INTS9: variants seen among roughly 807,000 people sequenced by gnomAD.
INTS9 encodes protein related to CPSF subunits of 74 kDa.
Under a neutral mutation model 79.7 loss-of-function variants are expected in INTS9, and 55 were observed. That is an observed-to-expected ratio of 0.69 (90% confidence interval 0.56 to 0.86). The LOEUF (loss-of-function observed/expected upper bound fraction) is 0.86, where lower values mean the gene tolerates loss of function less well. Among genes scored for constraint, INTS9 ranks in the 40% least tolerant of loss-of-function variants. The probability of loss-of-function intolerance (pLI) is 0.00; values close to 1 mark genes in which losing one functional copy is unlikely to be tolerated. For missense variants in INTS9, 721 were observed against 831.5 expected (o/e 0.87, Z 1.64); for synonymous variants, 319 against 325.2 (o/e 0.98, Z 0.20).
Position 28,769,996 on chromosome 8 carries a change from C to T in INTS9, c.1693G>A (p.Gly565Arg), listed in dbSNP as rs377455923. ...PPPRPAQPTSGKKRKRVSDDV... is the reference protein window; with the variant it reads ...PPPRPAQPTSRKKRKRVSDDV... ...TCGCTCACCCGCTTTCTCTTCTTCCCGCTCGTGGGCTGGGCGGGCCGAGGA... is the reference window on the plus strand; with the variant it reads ...TCGCTCACCCGCTTTCTCTTCTTCCTGCTCGTGGGCTGGGCGGGCCGAGGA... The change falls in exon 16 of 17, where the codon GGG (glycine) becomes AGG (arginine). Residue 565 changes from glycine to arginine, a missense_variant. By Grantham distance (125) the Gly-to-Arg change is moderately radical. Coordinates refer to ENST00000521022, the MANE Select transcript of INTS9 (RefSeq NM_018250.4). The T allele has an allele frequency of 1.9e-5, 30 of 1,614,020 alleles. No individual in the cohort carries two copies. Among genetic ancestry groups the T allele is most frequent in the South Asian group, 9.9e-5 (9 of 91,088 alleles).
intron 4 of INTS9, among the ~76,000 whole-genome samples, chr8:28,844,320 C>T (rs550785543): frequency 3.3e-5 from 5 of 151,194 alleles, no homozygotes; most frequent in South Asian, 2.1e-4. Context: ...TGACGCAGAT[C>T]GCTTGAGCTC....
At chr8:28,816,741 A>G (rs1035365231) in intron 6 of INTS9, among the ~76,000 whole-genome samples, 3 of 145,610 alleles carry the variant, frequency 2.1e-5, no homozygotes, top group African/African-American at 7.7e-5. Flanking sequence ...TGACTTCCAC[A>G]ATGGTTGAAC....
chr8:28,792,313 T>C (rs907940820), intron 10 of INTS9, among the ~76,000 whole-genome samples: 9 of 151,708 alleles, frequency 5.9e-5, no homozygotes, highest in Admixed American at 2.0e-4. Flanking sequence ...CCAGATAAAA[T>C]AGTTAAGGGG....
At chr8:28,848,176 T>C (rs1807637543) in intron 3 of INTS9, among the ~76,000 whole-genome samples, 1 of 152,256 alleles carries the variant, frequency 6.6e-6, no homozygotes, top group Non-Finnish European at 1.5e-5. Context: ...GACTTTACAC[T>C]GAAACCAGTA....
At chr8:28,780,712 T>C in intron 12 of INTS9, 111 bp downstream of exon 12, 2 of 1,511,918 alleles carry the variant, frequency 1.3e-6, no homozygotes, top group South Asian at 2.6e-5. Flanking sequence ...AGAACAATGT[T>C]TGTATTTATG....
chr8:28,882,750 GAAC>G (rs1267067432), intron 1 of INTS9, among the ~76,000 whole-genome samples: 1 of 152,092 alleles, frequency 6.6e-6, no homozygotes, highest in African/African-American at 2.4e-5. Flanking sequence ...TAGCTTTCTT[GAAC>G]ATCATTTGTC....
intron 6 of INTS9, among the ~76,000 whole-genome samples, chr8:28,816,927 T>A (rs1360991261): frequency 6.6e-6 from 1 of 151,722 alleles, no homozygotes. Flanking sequence ...TTTTTTCATG[T>A]GTTTTTTGGC....
intron 8 of INTS9, chr8:28,809,954 T>C (rs1318379038): frequency 6.6e-6 from 1 of 152,244 alleles, no homozygotes; most frequent in African/African-American, 2.4e-5. Flanking sequence ...GTTCTCCCTG[T>C]ATTAAAATGG....
intron 3 of INTS9, among the ~76,000 whole-genome samples, chr8:28,848,866 C>T (rs553474213): frequency 6.6e-6 from 1 of 152,294 alleles, no homozygotes; most frequent in East Asian, 1.9e-4. Context: ...CAAGTCATTT[C>T]GCTCACAATG....
intron 4 of INTS9, among the ~76,000 whole-genome samples, chr8:28,838,045 T>C (rs921784075): frequency 2.0e-5 from 3 of 151,954 alleles, no homozygotes; most frequent in Non-Finnish European, 4.4e-5. Context: ...ATTAGACTTA[T>C]GAGGTTAAAT....
At chr8:28,813,653 C>G (rs2131054534) in intron 6 of INTS9, 41 bp from the exon 7 acceptor site, 1 of 1,606,492 alleles carries the variant, frequency 6.2e-7, no homozygotes, top group East Asian at 2.2e-5. Flanking sequence ...GTGAACATTT[C>G]TTCATGTTCT....
intron 1 of INTS9, among the ~76,000 whole-genome samples, chr8:28,885,049 ATTGCACTCGGTGT>A (rs1470523943): frequency 1.3e-5 from 2 of 152,166 alleles, no homozygotes; most frequent in Non-Finnish European, 2.9e-5. Context: ...ATAATCTACA[ATTGCACTCGGTGT>A]TTTACTTGTC....
intron 6 of INTS9, among the ~76,000 whole-genome samples, chr8:28,819,670 T>C (rs1043102898): frequency 1.4e-3 from 206 of 152,314 alleles, no homozygotes; most frequent in African/African-American, 4.6e-3. Flanking sequence ...CTATTAGGTC[T>C]GCTTGGTGCA....
intron 3 of INTS9, among the ~76,000 whole-genome samples, chr8:28,847,271 T>C (rs970717684): frequency 1.3e-5 from 2 of 152,214 alleles, no homozygotes; most frequent in Non-Finnish European, 2.9e-5. Flanking sequence ...CCTGTTATGC[T>C]GTCAGGTTAG....
intron 6 of INTS9, among the ~76,000 whole-genome samples, chr8:28,822,675 GA>G (rs1416125407): frequency 6.6e-6 from 1 of 152,158 alleles, no homozygotes; most frequent in Non-Finnish European, 1.5e-5. Context: ...TGGGAATCAA[GA>G]GGTACAAACT....
intron 12 of INTS9, among the ~76,000 whole-genome samples, chr8:28,778,200 G>T (rs531142580): frequency 6.6e-6 from 1 of 152,110 alleles, no homozygotes; most frequent in Non-Finnish European, 1.5e-5. Context: ...ACATATGTGG[G>T]GGAGAAAAGA....
intron 11 of INTS9, among the ~76,000 whole-genome samples, chr8:28,786,811 A>G (rs529900453): frequency 2.0e-4 from 30 of 152,166 alleles, no homozygotes; most frequent in East Asian, 3.9e-4. Flanking sequence ...TCCGCCTCCC[A>G]GGTTCACGCC....
intron 5 of INTS9, 22 bp from the exon 6 acceptor site, chr8:28,835,400 G>A (rs376058822): frequency 7.3e-5 from 115 of 1,583,376 alleles, no homozygotes; most frequent in Non-Finnish European, 9.7e-5. Context: ...CAAAACAAGT[G>A]AGGAACACCC....
intron 1 of INTS9, among the ~76,000 whole-genome samples, chr8:28,880,520 C>T (rs1296182136): frequency 1.3e-5 from 2 of 151,756 alleles, no homozygotes; most frequent in Non-Finnish European, 3.0e-5. Context: ...CTCGGCCTCC[C>T]GAGGTGCCGG....
Sources: allele counts gnomAD v4.1 joint callset (sites outside exome capture counted in the v4.1 genomes callset), GRCh38; gene constraint gnomAD v4.1.1; transcripts MANE v1.5; gene names NCBI Gene and HGNC (gene_info 2026-07-23, HGNC 2026-07-21).